TENM3: variants seen among roughly 807,000 people sequenced by gnomAD.
TENM3 encodes the protein teneurin-3.
A neutral mutation model predicts 255.1 loss-of-function variants in TENM3; 63 were observed. That is an observed-to-expected ratio of 0.25 (90% CI 0.20 to 0.30). TENM3 has a LOEUF of 0.30. TENM3 is among the 10% of genes least tolerant of loss of function. The pLI is 1.00. For missense variants in TENM3, 2,929 were observed against 3,461.1 expected, an observed-to-expected ratio of 0.85 and a Z score of 3.86; for synonymous variants, 1,306 against 1,322.3, an observed-to-expected ratio of 0.99 and a Z score of 0.27.
intron 22 of TENM3, among the ~76,000 whole-genome samples, chr4:182,758,633 G>A (rs938803766): frequency 2.0e-5 from 3 of 152,140 alleles, no homozygotes; most frequent in Admixed American, 6.5e-5. Flanking sequence ...ATTAGTACGT[G>A]TCTGTAATAT....
chr4:182,321,612 C>T (rs2150486092), intron 1 of TENM3, among the ~76,000 whole-genome samples: 2 of 151,734 alleles, frequency 1.3e-5, no homozygotes, highest in South Asian at 4.2e-4. Flanking sequence ...GGCAACAGAG[C>T]AAGACTCTGT....
At chr4:182,210,292 A>G (rs1440089978) in intron 1 of TENM3, among the ~76,000 whole-genome samples, 2 of 152,092 alleles carry the variant, frequency 1.3e-5, no homozygotes, top group South Asian at 2.1e-4. Flanking sequence ...CCTTGAATTC[A>G]GCACCTCAAC....
At chr4:181,960,824 A>C in the TENM3 span, among the ~76,000 whole-genome samples, 1 of 152,208 alleles carries the variant, frequency 6.6e-6, no homozygotes, top group Non-Finnish European at 1.5e-5. Context: ...ATATTTTTTT[A>C]GAGTACCAAT....
At chr4:182,094,263 T>G in the TENM3 span, among the ~76,000 whole-genome samples, 48 of 151,998 alleles carry the variant, frequency 3.2e-4, no homozygotes, top group African/African-American at 1.1e-3. Context: ...TTTTTTTTTT[T>G]GAGACGGAGT....
At chr4:182,798,411 T>A (rs1766655269) in intron 27 of TENM3, among the ~76,000 whole-genome samples, 1 of 152,188 alleles carries the variant, frequency 6.6e-6, no homozygotes, top group African/African-American at 2.4e-5. Context: ...CGTATACAGG[T>A]TTGCAGCCTA....
chr4:181,954,204 A>G, the TENM3 span, among the ~76,000 whole-genome samples: 1 of 152,198 alleles, frequency 6.6e-6, no homozygotes, highest in Non-Finnish European at 1.5e-5. Context: ...TTTCCAATTT[A>G]ATCTACTGTG....
the TENM3 span, among the ~76,000 whole-genome samples, chr4:182,053,979 G>C: frequency 3.9e-5 from 6 of 152,126 alleles, no homozygotes; most frequent in Middle Eastern, 3.2e-3. Context: ...CGAGTCTGTA[G>C]GTTGAAGACA....
chr4:182,100,698 CAT>C, the TENM3 span, among the ~76,000 whole-genome samples: 1,486 of 62,154 alleles, frequency 0.024, 32 homozygotes, highest in Middle Eastern at 0.047. Context: ...TATATACACA[CAT>C]ATATATACAC....
chr4:181,500,870 A>G, the TENM3 span, among the ~76,000 whole-genome samples: 1 of 152,130 alleles, frequency 6.6e-6, no homozygotes, highest in Non-Finnish European at 1.5e-5. Flanking sequence ...CCTGCTCCCT[A>G]TTCAGTCATT....
chr4:181,701,606 C>G, the TENM3 span, among the ~76,000 whole-genome samples: 4 of 152,104 alleles, frequency 2.6e-5, no homozygotes, highest in Admixed American at 6.5e-5. Flanking sequence ...TAGGCCACTG[C>G]GAGATTGCCA....
At chr4:181,667,161 A>G in the TENM3 span, among the ~76,000 whole-genome samples, 1 of 152,132 alleles carries the variant, frequency 6.6e-6, no homozygotes, top group Non-Finnish European at 1.5e-5. Flanking sequence ...AAGTCCCACT[A>G]CACAAAATGC....
At chr4:182,717,091 C>T (rs1759258056) in intron 13 of TENM3, among the ~76,000 whole-genome samples, 1 of 152,154 alleles carries the variant, frequency 6.6e-6, no homozygotes, top group Non-Finnish European at 1.5e-5. Context: ...AAAGAGACAT[C>T]CATCATATAG....
At chr4:181,611,860 G>A in the TENM3 span, among the ~76,000 whole-genome samples, 1 of 152,220 alleles carries the variant, frequency 6.6e-6, no homozygotes, top group African/African-American at 2.4e-5. Context: ...AGACACATTT[G>A]ATCACTTGGA....
the TENM3 span, among the ~76,000 whole-genome samples, chr4:181,664,735 G>A: frequency 5.9e-5 from 9 of 152,014 alleles, no homozygotes; most frequent in Non-Finnish European, 1.2e-4. Context: ...AGGACTTGGC[G>A]GCCCGTGATG....
chr4:182,138,009 C>T, the TENM3 span, among the ~76,000 whole-genome samples: 1 of 152,198 alleles, frequency 6.6e-6, no homozygotes, highest in African/African-American at 2.4e-5. Flanking sequence ...AACTTTCAGC[C>T]TCTTTGCTTT....
chr4:181,552,846 A>G, the TENM3 span, among the ~76,000 whole-genome samples: 1 of 152,166 alleles, frequency 6.6e-6, no homozygotes, highest in Non-Finnish European at 1.5e-5. Context: ...CTTTCCCAAA[A>G]CTGGCTTATT....
the TENM3 span, among the ~76,000 whole-genome samples, chr4:181,583,526 G>T: frequency 5.1e-4 from 78 of 152,162 alleles, 1 homozygote; most frequent in South Asian, 7.9e-3. Context: ...CATTTAAACC[G>T]CCCTTGAAAA....
the TENM3 span, among the ~76,000 whole-genome samples, chr4:181,771,527 T>C: frequency 9.2e-5 from 14 of 152,212 alleles, no homozygotes; most frequent in African/African-American, 3.4e-4. Flanking sequence ...GATGGGAATG[T>C]ATCAATCTCT....
At chr4:182,661,730 C>CTACT (rs1406564756) in intron 6 of TENM3, among the ~76,000 whole-genome samples, 1 of 152,126 alleles carries the variant, frequency 6.6e-6, no homozygotes, top group Non-Finnish European at 1.5e-5. Flanking sequence ...GGAGGGTGGG[C>CTACT]TACTGATTGT....
Sources: gnomAD v4.1 joint callset for allele counts (sites outside exome capture counted in the v4.1 genomes callset) on GRCh38, gnomAD v4.1.1 for gene constraint, MANE v1.5 for transcripts, NCBI Gene and HGNC (gene_info 2026-07-23, HGNC 2026-07-21) for gene names.